The following XKR4 variants were observed in gnomAD, a reference collection of about 807,000 sequenced individuals.
XKR4 encodes XK-related protein 4.
In XKR4, 12 loss-of-function variants were observed where a neutral mutation model predicts 53.9. That is an observed-to-expected ratio of 0.22 (90% CI 0.14 to 0.36). The LOEUF is 0.36. Ranked by LOEUF, XKR4 falls within the 10% of genes least tolerant of loss-of-function variation. XKR4 has a pLI of 1.00. For missense variants in XKR4, 799 were observed against 859.5 expected (o/e 0.93, Z 0.88); for synonymous variants, 354 against 362.4 (o/e 0.98, Z 0.26).
chr8:55,146,793 G>A (rs1054499128), intron 1 of XKR4, among the ~76,000 whole-genome samples: 1 of 152,170 alleles, frequency 6.6e-6, no homozygotes, highest in Non-Finnish European at 1.5e-5. Flanking sequence ...ATAGGGTGTG[G>A]GCAGTGCAAA....
chr8:55,213,790 T>C (rs887512352), intron 1 of XKR4, among the ~76,000 whole-genome samples: 2 of 152,098 alleles, frequency 1.3e-5, no homozygotes, highest in Non-Finnish European at 2.9e-5. Flanking sequence ...TGTTATAATT[T>C]TTGCAAAGGC....
chr8:55,210,650 G>A (rs1480139644), intron 1 of XKR4, among the ~76,000 whole-genome samples: 2 of 152,194 alleles, frequency 1.3e-5, no homozygotes, highest in South Asian at 2.1e-4. Flanking sequence ...CCCAAGTTTT[G>A]TTGTCTCATG....
chr8:55,511,946 G>C (rs980495646), intron 2 of XKR4, among the ~76,000 whole-genome samples: 87 of 152,092 alleles, frequency 5.7e-4, no homozygotes, highest in African/African-American at 2.1e-3. Context: ...TGCTCCAGAG[G>C]GGGAGTGGAG....
intron 1 of XKR4, among the ~76,000 whole-genome samples, chr8:55,205,854 C>T (rs111256875): frequency 1.5e-4 from 23 of 152,092 alleles, no homozygotes; most frequent in African/African-American, 5.3e-4. Context: ...CGCGGACCCT[C>T]GTGGTGAGTG....
rs562158829 is a variant in XKR4 at position 55,505,535 on chromosome 8, A to T, written c.1007-17746A>T. On this transcript the variant is annotated intron_variant, in intron 2 of 2. Transcript: ENST00000327381. The stretch of plus-strand genomic sequence containing the variant: ...CATGATACTCCTGCCTGGGCAACAG[A>T]ACAAGACCCCATCTCAAAAACAAAC... Among the ~76,000 whole-genome samples, 4 of 152,340 alleles carry T rather than the reference A, an allele frequency of 2.6e-5. No individual in the cohort carries two copies. In the East Asian group the frequency reaches 7.7e-4, roughly 29 times the overall value.
chr8:55,273,524 T>C (rs1818722963), intron 1 of XKR4, among the ~76,000 whole-genome samples: 1 of 152,176 alleles, frequency 6.6e-6, no homozygotes, highest in Non-Finnish European at 1.5e-5. Flanking sequence ...TGTACAAGAT[T>C]CTGACCCTCC....
At chr8:55,286,360 C>T (rs943607849) in intron 1 of XKR4, among the ~76,000 whole-genome samples, 1 of 152,220 alleles carries the variant, frequency 6.6e-6, no homozygotes, top group African/African-American at 2.4e-5. Context: ...TTCAGGGCTA[C>T]TGTTGGACAC....
intron 1 of XKR4, among the ~76,000 whole-genome samples, chr8:55,160,084 G>A (rs948704751): frequency 6.6e-6 from 1 of 152,168 alleles, no homozygotes; most frequent in African/African-American, 2.4e-5. Flanking sequence ...AGGAAAGTAG[G>A]GAATTAGTGC....
intron 2 of XKR4, among the ~76,000 whole-genome samples, chr8:55,458,699 C>T (rs1178929189): frequency 6.6e-6 from 1 of 152,218 alleles, no homozygotes; most frequent in Non-Finnish European, 1.5e-5. Context: ...CCCAGACAAA[C>T]TCTTCTCTGA....
chr8:55,352,037 C>G (rs1200988723), intron 1 of XKR4, among the ~76,000 whole-genome samples: 1 of 152,176 alleles, frequency 6.6e-6, no homozygotes, highest in Non-Finnish European at 1.5e-5. Flanking sequence ...GGTACAAAGA[C>G]AAATGACATT....
chr8:55,130,292 T>C (rs1816536107), intron 1 of XKR4, among the ~76,000 whole-genome samples: 1 of 152,238 alleles, frequency 6.6e-6, no homozygotes, highest in African/African-American at 2.4e-5. Context: ...GGTTCCATTT[T>C]ATACAGAGTG....
At chr8:55,440,737 CAAT>C (rs1805252147) in intron 2 of XKR4, among the ~76,000 whole-genome samples, 1 of 151,996 alleles carries the variant, frequency 6.6e-6, no homozygotes, top group Admixed American at 6.6e-5. Flanking sequence ...TTGAAAATAA[CAAT>C]GATTGTAAAG....
chr8:55,232,940 T>C (rs1818064292), intron 1 of XKR4, among the ~76,000 whole-genome samples: 1 of 152,224 alleles, frequency 6.6e-6, no homozygotes, highest in Admixed American at 6.5e-5. Flanking sequence ...ATAGCCTCTG[T>C]TCTTGCCTCC....
At chr8:55,141,671 C>CTCTCTCTCTCTCTCTCTCTCTG (rs748708972) in intron 1 of XKR4, among the ~76,000 whole-genome samples, 4,887 of 134,342 alleles carry the variant, frequency 0.036, 207 homozygotes, top group South Asian at 0.06. Context: ...CTCTCTCTCT[C>CTCTCTCTCTCTCTCTCTCTCTG]TGTGTGTGTG....
Position 55,530,170 on chromosome 8 carries a change from AGG to A in XKR4, c.*5944_*5945del, listed in dbSNP as rs1464211849. ...AAGGAAGGAAGGAAGGAAGGAAGGA[AGG>A]AAGGAAGGAAGGAAGGAAGGAAGGA... On this transcript the variant is annotated 3_prime_UTR_variant, in exon 3 of 3. Transcript: ENST00000327381. The A allele has an allele frequency of 1.2e-4, 17 of 145,342 alleles. No individual in the cohort carries two copies. Among genetic ancestry groups the A allele is most frequent in the Non-Finnish European group, 2.1e-4 (14 of 67,194 alleles). The allele number at this position is 145,342 out of a possible 1,614,324, so 9.0% of individuals were successfully genotyped here.
At chr8:55,265,125 G>A (rs1278148340) in intron 1 of XKR4, among the ~76,000 whole-genome samples, 1 of 152,216 alleles carries the variant, frequency 6.6e-6, no homozygotes, top group Non-Finnish European at 1.5e-5. Context: ...CTGTCAAGGA[G>A]AAGCTATTGA....
chr8:55,504,181 T>A (rs1343924294), intron 2 of XKR4, among the ~76,000 whole-genome samples: 1 of 141,078 alleles, frequency 7.1e-6, no homozygotes, highest in Non-Finnish European at 1.6e-5. Context: ...TTTGTTGTTG[T>A]TGTTGTTTTT....
intron 1 of XKR4, among the ~76,000 whole-genome samples, chr8:55,290,629 C>T (rs1337359207): frequency 6.6e-6 from 1 of 152,008 alleles, no homozygotes; most frequent in Non-Finnish European, 1.5e-5. Flanking sequence ...CTCCCTGTAT[C>T]CATGAATATT....
chr8:55,441,722 A>G (rs566080161), intron 2 of XKR4, among the ~76,000 whole-genome samples: 1 of 152,338 alleles, frequency 6.6e-6, no homozygotes, highest in South Asian at 2.1e-4. Flanking sequence ...AGCATTGGTC[A>G]GTTAAAAGGC....
Sources: gnomAD v4.1 joint callset for allele counts (sites outside exome capture counted in the v4.1 genomes callset) on GRCh38, gnomAD v4.1.1 for gene constraint, MANE v1.5 for transcripts, NCBI Gene and HGNC (gene_info 2026-07-23, HGNC 2026-07-21) for gene names.